RPL26L1: variants seen among roughly 807,000 people sequenced by gnomAD.
RPL26L1 encodes the protein ribosomal protein L26 like 1, also known as ribosomal protein uL24-like.
In RPL26L1, 8 loss-of-function variants were observed where a neutral mutation model predicts 15.2. The observed-to-expected ratio is 0.53, with a 90% CI of 0.31 to 0.95. The LOEUF is 0.95. Among genes scored for constraint, RPL26L1 ranks in the 40% least tolerant of loss-of-function variants. RPL26L1 has a pLI of 0.05. For synonymous variants in RPL26L1, 51 were observed against 65.9 expected, an observed-to-expected ratio of 0.77 and a Z score of 1.09; for missense variants, 146 against 190.9, an observed-to-expected ratio of 0.76 and a Z score of 1.39.
chr5:172,962,670 G>C (rs1755283281), intron 2 of RPL26L1, among the ~76,000 whole-genome samples: 1 of 151,704 alleles, frequency 6.6e-6, no homozygotes, highest in Non-Finnish European at 1.5e-5. Flanking sequence ...TAAAAAATTA[G>C]CTGAGCGTGG....
upstream of RPL26L1, chr5:172,959,350 G>A: frequency 1.0e-6 from 1 of 1,001,280 alleles, no homozygotes; most frequent in East Asian, 1.0e-4. Flanking sequence ...CAAGCCGCTG[G>A]GGGCGCCATT....
At chr5:172,968,172 T>C (rs1755540800) in intron 2 of RPL26L1, among the ~76,000 whole-genome samples, 1 of 152,126 alleles carries the variant, frequency 6.6e-6, no homozygotes, top group Non-Finnish European at 1.5e-5. Flanking sequence ...ACTTGACATA[T>C]ATATGTATAT....
chr5:172,965,277 G>T (rs1755411162), intron 2 of RPL26L1, among the ~76,000 whole-genome samples: 1 of 151,930 alleles, frequency 6.6e-6, no homozygotes. Flanking sequence ...AGCTTTTTTG[G>T]TCCCTTATCT....
rs904315504 is a variant in RPL26L1 at position 172,959,873 on chromosome 5, C to T, written c.-1C>T. 2 of 1,613,980 alleles carry T rather than the reference C, an allele frequency of 1.2e-6. No homozygotes were observed. The highest frequency in any genetic ancestry group is 1.1e-5 in the South Asian group (1 of 91,076). ...CTCTCCGCCCTTTGTAGAGGGTCAC[C>T]ATGAAGTTCAATCCCTTCGTTACCT... On this transcript the variant is annotated 5_prime_UTR_variant, in exon 2 of 4. Coordinates refer to ENST00000265100, the MANE Select transcript of RPL26L1 (RefSeq NM_016093.4).
intron 3 of RPL26L1, among the ~76,000 whole-genome samples, chr5:172,968,994 G>C (rs1389508872): frequency 6.6e-6 from 1 of 151,692 alleles, no homozygotes; most frequent in Non-Finnish European, 1.5e-5. Context: ...TTTTAATAGA[G>C]ATGGGGTTTC....
upstream of RPL26L1, among the ~76,000 whole-genome samples, chr5:172,954,473 G>A (rs1411524571): frequency 6.7e-6 from 1 of 149,542 alleles, no homozygotes; most frequent in Non-Finnish European, 1.5e-5. Context: ...TGCGGTGGGG[G>A]CAGGGGCGGC....
chr5:172,956,928 ACT>A (rs1295407551), upstream of RPL26L1: 2 of 271,870 alleles, frequency 7.4e-6, no homozygotes, highest in African/African-American at 4.6e-5. Context: ...ACAGAGCGAG[ACT>A]CTATCTCGAA....
At chr5:172,960,156 G>T in intron 2 of RPL26L1, 115 bp downstream of exon 2, 1 of 1,243,056 alleles carries the variant, frequency 8.0e-7, no homozygotes, top group Non-Finnish European at 1.2e-6. Flanking sequence ...TGACCCTTCA[G>T]ATGTGTTAGG....
chr5:172,967,799 T>C (rs1301780102), intron 2 of RPL26L1, among the ~76,000 whole-genome samples: 1 of 151,580 alleles, frequency 6.6e-6, no homozygotes, highest in Non-Finnish European at 1.5e-5. Flanking sequence ...CACATATATG[T>C]ATATATGACA....
At chr5:172,967,440 G>A (rs911745632) in intron 2 of RPL26L1, among the ~76,000 whole-genome samples, 1 of 151,850 alleles carries the variant, frequency 6.6e-6, no homozygotes, top group Non-Finnish European at 1.5e-5. Flanking sequence ...CCTCCAGCCT[G>A]GGGGAACAGA....
intron 2 of RPL26L1, among the ~76,000 whole-genome samples, chr5:172,961,753 G>A (rs1034578290): frequency 6.6e-6 from 1 of 152,186 alleles, no homozygotes; most frequent in African/African-American, 2.4e-5. Flanking sequence ...CGTTCTTAGA[G>A]CTTTAAATGT....
At chr5:172,967,491 C>G (rs936079982) in intron 2 of RPL26L1, among the ~76,000 whole-genome samples, 58 of 150,200 alleles carry the variant, frequency 3.9e-4, no homozygotes, top group African/African-American at 1.3e-3. Context: ...AATAAATAAG[C>G]TCTTGCTTTC....
intron 1 of RPL26L1, 95 bp downstream of exon 1, chr5:172,959,563 CTCTT>C: frequency 8.4e-7 from 1 of 1,187,906 alleles, no homozygotes; most frequent in Non-Finnish European, 1.1e-6. Context: ...CCCCACAGCT[CTCTT>C]TGAGTGACCT....
At chr5:172,958,697 C>G (rs182457895), upstream of RPL26L1, 1 of 239,000 alleles carries the variant, frequency 4.2e-6, no homozygotes, top group South Asian at 4.3e-5. Flanking sequence ...GGTTGGGTGG[C>G]GCCCGGGCCT....
At chr5:172,958,662 C>G, upstream of RPL26L1, 1 of 269,572 alleles carries the variant, frequency 3.7e-6, no homozygotes, top group Non-Finnish European at 7.9e-6. Flanking sequence ...ACCCAGGGTC[C>G]GCGCAAAGTG....
At chr5:172,966,313 ATTTTT>A (rs386405707) in intron 2 of RPL26L1, among the ~76,000 whole-genome samples, 160 of 63,648 alleles carry the variant, frequency 2.5e-3, no homozygotes, top group South Asian at 7.0e-3. Context: ...CTGGCTAACT[ATTTTT>A]TTTTTTTTTT....
chr5:172,969,381 G>A (rs1755597180), intron 3 of RPL26L1, 32 bp from the exon 4 acceptor site: 1 of 1,608,242 alleles, frequency 6.2e-7, no homozygotes, highest in African/African-American at 1.3e-5. Flanking sequence ...TGGGGATGCA[G>A]AAATAAAGAC....
At chr5:172,959,757 C>A in intron 1 of RPL26L1, 108 bp from the exon 2 acceptor site, 1 of 1,309,484 alleles carries the variant, frequency 7.6e-7, no homozygotes, top group African/African-American at 1.5e-5. Flanking sequence ...TCAGAGGCTA[C>A]CTCCCCTGTA....
intron 1 of RPL26L1, 107 bp from the exon 2 acceptor site, chr5:172,959,758 C>A: frequency 1.5e-6 from 2 of 1,312,392 alleles, no homozygotes; most frequent in Non-Finnish European, 2.2e-6. Context: ...CAGAGGCTAC[C>A]TCCCCTGTAG....
Sources: allele counts gnomAD v4.1 joint callset (sites outside exome capture counted in the v4.1 genomes callset), GRCh38; gene constraint gnomAD v4.1.1; transcripts MANE v1.5; gene names NCBI Gene and HGNC (gene_info 2026-07-23, HGNC 2026-07-21).